CPE: variants seen among roughly 807,000 people sequenced by gnomAD.
CPE encodes carboxypeptidase E, also known as carbocypeptidase E.
CPE carries 17 observed loss-of-function variants against 53.5 expected under a neutral mutation model. The ratio of observed to expected loss-of-function variants is 0.32; its 90% confidence interval spans 0.22 to 0.48. CPE has a LOEUF of 0.48. Among genes scored for constraint, CPE ranks in the 20% least tolerant of loss-of-function variants. CPE has a pLI of 0.99. For synonymous variants in CPE, 226 were observed against 228.8 expected (o/e 0.99, Z 0.11); for missense variants, 524 against 614.7 (o/e 0.85, Z 1.56).
chr4:165,389,470 T>C lies in CPE; in HGVS notation c.307+9942T>C, dbSNP rs142681762. On this transcript the variant is annotated intron_variant, in intron 1 of 8. Coordinates refer to ENST00000402744, the MANE Select transcript of CPE (RefSeq NM_001873.4). Reference sequence around the variant, plus strand: ...TTCAGGAAGTTTTCTTGGGCTATTATTGTTCTCTGGGTTTTTAAACAGTTG... The same window carrying C: ...TTCAGGAAGTTTTCTTGGGCTATTACTGTTCTCTGGGTTTTTAAACAGTTG... Among the ~76,000 whole-genome samples the C allele has an allele frequency of 3.9e-3, 588 of 152,318 alleles. 7 individuals are homozygous for C. The highest frequency in any genetic ancestry group is 0.011 in the African/African-American group (462 of 41,580).
chr4:165,469,476 T>C (rs77117221), intron 3 of CPE, among the ~76,000 whole-genome samples: 2,310 of 152,274 alleles, frequency 0.015, 70 homozygotes, highest in African/African-American at 0.052. Flanking sequence ...CCAACTCTTT[T>C]GTGCTCCTAA....
intron 2 of CPE, among the ~76,000 whole-genome samples, chr4:165,467,066 T>C (rs1732118320): frequency 6.6e-6 from 1 of 152,230 alleles, no homozygotes; most frequent in Non-Finnish European, 1.5e-5. Context: ...CTTATATCTA[T>C]AATCCCAGTG....
intron 1 of CPE, among the ~76,000 whole-genome samples, chr4:165,393,899 G>A (rs1730723357): frequency 6.6e-6 from 1 of 152,178 alleles, no homozygotes; most frequent in Admixed American, 6.6e-5. Context: ...AGTACCTACA[G>A]AAAATGTTAT....
intron 1 of CPE, among the ~76,000 whole-genome samples, chr4:165,423,721 C>G (rs974138143): frequency 6.6e-6 from 1 of 151,506 alleles, no homozygotes; most frequent in Non-Finnish European, 1.5e-5. Flanking sequence ...TATACATGTG[C>G]CATGCTGGTG....
intron 3 of CPE, among the ~76,000 whole-genome samples, chr4:165,481,989 C>A (rs1367884679): frequency 2.0e-5 from 3 of 152,166 alleles, no homozygotes; most frequent in African/African-American, 7.2e-5. Flanking sequence ...GGATAACTGG[C>A]AGCCCACAAA....
chr4:165,385,231 CT>C, intron 1 of CPE, among the ~76,000 whole-genome samples: 1 of 152,104 alleles, frequency 6.6e-6, no homozygotes, highest in South Asian at 2.1e-4. Flanking sequence ...TGTAAATATT[CT>C]TTTTTTACTT....
chr4:165,420,840 T>C (rs896784114), intron 1 of CPE, among the ~76,000 whole-genome samples: 1 of 152,170 alleles, frequency 6.6e-6, no homozygotes, highest in Non-Finnish European at 1.5e-5. Flanking sequence ...GTCATTTTGA[T>C]TTAAGATAAT....
At chr4:165,465,201 G>C (rs1579274212) in intron 2 of CPE, among the ~76,000 whole-genome samples, 1 of 151,960 alleles carries the variant, frequency 6.6e-6, no homozygotes, top group Non-Finnish European at 1.5e-5. Flanking sequence ...TGGACGGGGC[G>C]GGGGACATTA....
intron 3 of CPE, among the ~76,000 whole-genome samples, chr4:165,479,151 CTCATA>C (rs1409476612): frequency 4.6e-5 from 7 of 152,070 alleles, no homozygotes; most frequent in African/African-American, 1.4e-4. Flanking sequence ...TTAAACTCAT[CTCATA>C]TAATATTCAT....
intron 1 of CPE, among the ~76,000 whole-genome samples, chr4:165,409,605 CT>C (rs1293869851): frequency 6.6e-6 from 1 of 151,978 alleles, no homozygotes; most frequent in Non-Finnish European, 1.5e-5. Flanking sequence ...TTTTTTTTGA[CT>C]CTGAATCTTT....
At chr4:165,420,918 G>A (rs1731200213) in intron 1 of CPE, among the ~76,000 whole-genome samples, 1 of 152,076 alleles carries the variant, frequency 6.6e-6, no homozygotes, top group African/African-American at 2.4e-5. Context: ...TCTACTTTCT[G>A]ACATTTTACT....
At chr4:165,492,003 T>C (rs532668400) in intron 6 of CPE, among the ~76,000 whole-genome samples, 1 of 152,234 alleles carries the variant, frequency 6.6e-6, no homozygotes, top group African/African-American at 2.4e-5. Context: ...CGATTTGATA[T>C]TCTAGATGCA....
intron 5 of CPE, among the ~76,000 whole-genome samples, 179 bp downstream of exon 5, chr4:165,484,783 A>G (rs1732476531): frequency 6.6e-6 from 1 of 152,180 alleles, no homozygotes; most frequent in African/African-American, 2.4e-5. Flanking sequence ...ACTATGTATA[A>G]TTTTGTTTTT....
At chr4:165,428,381 G>T (rs10517846) in intron 1 of CPE, among the ~76,000 whole-genome samples, 44,938 of 151,942 alleles carry the variant, frequency 0.3, 6,742 homozygotes, top group Middle Eastern at 0.39. Context: ...CAAGGTTTAA[G>T]TACTCCAATA....
At chr4:165,463,920 A>G (rs965344092) in intron 1 of CPE, among the ~76,000 whole-genome samples, 1 of 152,228 alleles carries the variant, frequency 6.6e-6, no homozygotes, top group African/African-American at 2.4e-5. Context: ...CCTGGAGGCT[A>G]GAAGTTCAAG....
intron 1 of CPE, among the ~76,000 whole-genome samples, chr4:165,461,870 A>G (rs538854179): frequency 6.6e-6 from 1 of 152,342 alleles, no homozygotes; most frequent in East Asian, 1.9e-4. Context: ...TGATAACATT[A>G]TATAGTGATC....
chr4:165,452,367 A>G (rs997453335), intron 1 of CPE, among the ~76,000 whole-genome samples: 1 of 152,212 alleles, frequency 6.6e-6, no homozygotes. Context: ...CGATCATTGC[A>G]TATTGTATAC....
intron 1 of CPE, chr4:165,404,034 G>A (rs1388035310): frequency 3.5e-6 from 3 of 858,440 alleles, no homozygotes; most frequent in Non-Finnish European, 5.9e-6. Context: ...GCTGGGGTTA[G>A]TGCACTGACT....
At chr4:165,435,915 A>G (rs1037042273) in intron 1 of CPE, among the ~76,000 whole-genome samples, 1 of 152,170 alleles carries the variant, frequency 6.6e-6, no homozygotes, top group African/African-American at 2.4e-5. Flanking sequence ...TTGGACACAC[A>G]GTTGACCCTA....
Sources: allele counts gnomAD v4.1 joint callset (sites outside exome capture counted in the v4.1 genomes callset), GRCh38; gene constraint gnomAD v4.1.1; transcripts MANE v1.5; gene names NCBI Gene and HGNC (gene_info 2026-07-23, HGNC 2026-07-21).